FAM53B: variants seen among roughly 807,000 people sequenced by gnomAD.
The protein encoded by FAM53B is family with sequence similarity 53 member B.
FAM53B carries 12 observed loss-of-function variants against 32.7 expected under a neutral mutation model. The ratio of observed to expected loss-of-function variants is 0.37; its 90% CI spans 0.24 to 0.59. The LOEUF (loss-of-function observed/expected upper bound fraction) is 0.59. Ranked by LOEUF, FAM53B falls within the 20% of genes least tolerant of loss-of-function variation. FAM53B has a pLI of 0.72. For synonymous variants in FAM53B, 234 were observed against 228.7 expected (o/e 1.02, Z -0.21); for missense variants, 477 against 577.7 (o/e 0.83, Z 1.79).
intron 4 of FAM53B, among the ~76,000 whole-genome samples, chr10:124,668,636 G>A (rs1166765621): frequency 6.6e-6 from 1 of 152,268 alleles, no homozygotes; most frequent in African/African-American, 2.4e-5. Context: ...ACCCACAAGG[G>A]TGCTCTCCTT....
chr10:124,710,861 G>T (rs1478899764), intron 1 of FAM53B, among the ~76,000 whole-genome samples: 1 of 152,162 alleles, frequency 6.6e-6, no homozygotes, highest in African/African-American at 2.4e-5. Context: ...TTTGAACCCT[G>T]GTGGGCCAGC....
chr10:124,667,232 G>T, intron 4 of FAM53B: 2 of 565,624 alleles, frequency 3.5e-6, no homozygotes, highest in Admixed American at 3.4e-5. Context: ...ATGTGGAAAT[G>T]ATAGTATTTT....
chr10:124,636,897 G>A (rs570646775), intron 4 of FAM53B, among the ~76,000 whole-genome samples: 1 of 151,898 alleles, frequency 6.6e-6, no homozygotes, highest in Non-Finnish European at 1.5e-5. Context: ...AAGAGATGCA[G>A]AGGCGGAGTT....
At chr10:124,703,012 C>T (rs1412688814) in intron 2 of FAM53B, among the ~76,000 whole-genome samples, 1 of 152,118 alleles carries the variant, frequency 6.6e-6, no homozygotes, top group Admixed American at 6.5e-5. Context: ...CTGGAAGCTT[C>T]GTGAGGCCTT....
chr10:124,714,748 G>A (rs1034160365), intron 1 of FAM53B, among the ~76,000 whole-genome samples: 1 of 117,138 alleles, frequency 8.5e-6, no homozygotes, highest in East Asian at 2.5e-4. Context: ...GACAGAGCGA[G>A]ACTCCACCTC....
At chr10:124,632,518 C>T (rs568104692) in intron 4 of FAM53B, among the ~76,000 whole-genome samples, 1 of 152,326 alleles carries the variant, frequency 6.6e-6, no homozygotes, top group East Asian at 1.9e-4. Context: ...CTGAGCAGGA[C>T]TAGCGATGCA....
intron 1 of FAM53B, among the ~76,000 whole-genome samples, 164 bp downstream of exon 1, chr10:124,743,849 A>C (rs1950215367): frequency 6.6e-6 from 1 of 151,932 alleles, no homozygotes; most frequent in Non-Finnish European, 1.5e-5. Flanking sequence ...AGGCAGAAAA[A>C]AAGGAAACCA....
intron 1 of FAM53B, among the ~76,000 whole-genome samples, chr10:124,729,196 C>G (rs1564889835): frequency 1.3e-5 from 2 of 152,202 alleles, no homozygotes; most frequent in Non-Finnish European, 2.9e-5. Flanking sequence ...AGGGCTGGGA[C>G]AGCAGTGAGA....
chr10:124,735,658 C>G (rs1950169066), intron 1 of FAM53B, among the ~76,000 whole-genome samples: 1 of 152,256 alleles, frequency 6.6e-6, no homozygotes, highest in Non-Finnish European at 1.5e-5. Context: ...GTCCTTCCAG[C>G]CTCCCTTCAG....
intron 1 of FAM53B, chr10:124,713,716 T>C (rs1336309188): frequency 1.3e-5 from 2 of 152,258 alleles, no homozygotes; most frequent in Non-Finnish European, 2.9e-5. Context: ...TTTTCCTTCT[T>C]TTAGTGTCTT....
At chr10:124,702,187 C>T (rs1210932199) in intron 2 of FAM53B, among the ~76,000 whole-genome samples, 1 of 152,234 alleles carries the variant, frequency 6.6e-6, no homozygotes, top group Admixed American at 6.5e-5. Context: ...GATACCAGTC[C>T]CGGCCTCCCC....
At chr10:124,736,711 C>T (rs1259045318) in intron 1 of FAM53B, among the ~76,000 whole-genome samples, 1 of 152,256 alleles carries the variant, frequency 6.6e-6, no homozygotes, top group Non-Finnish European at 1.5e-5. Context: ...CAGGCAGCAG[C>T]AACTGGAACC....
intron 4 of FAM53B, among the ~76,000 whole-genome samples, chr10:124,629,185 G>A (rs1429635378): frequency 6.6e-6 from 1 of 152,202 alleles, no homozygotes; most frequent in Non-Finnish European, 1.5e-5. Flanking sequence ...TGCCTGGCAT[G>A]TGCTGGGGAG....
intron 3 of FAM53B, among the ~76,000 whole-genome samples, chr10:124,683,305 T>C (rs567685461): frequency 3.0e-4 from 46 of 152,358 alleles, no homozygotes; most frequent in African/African-American, 1.1e-3. Flanking sequence ...TTGACATAGT[T>C]CTTGTATTCA....
chr10:124,704,700 G>A (rs1949939435), intron 2 of FAM53B, among the ~76,000 whole-genome samples: 1 of 152,182 alleles, frequency 6.6e-6, no homozygotes, highest in African/African-American at 2.4e-5. Context: ...AGAATATATG[G>A]GGCCATGTAC....
chr10:124,650,994 C>T (rs989547936), intron 4 of FAM53B, among the ~76,000 whole-genome samples: 1 of 152,068 alleles, frequency 6.6e-6, no homozygotes, highest in African/African-American at 2.4e-5. Flanking sequence ...AGGCTCCACG[C>T]ATGTGAATTA....
intron 4 of FAM53B, among the ~76,000 whole-genome samples, chr10:124,672,390 A>G (rs540843820): frequency 2.0e-5 from 3 of 152,386 alleles, no homozygotes; most frequent in Admixed American, 6.5e-5. Context: ...CCGGATCAGG[A>G]AGCAGGAATA....
At chr10:124,695,921 ATTACT>A (rs1485564115) in intron 3 of FAM53B, among the ~76,000 whole-genome samples, 14 of 152,332 alleles carry the variant, frequency 9.2e-5, no homozygotes, top group African/African-American at 3.1e-4. Context: ...ATCAACATGA[ATTACT>A]TTAATCATCA....
intron 4 of FAM53B, among the ~76,000 whole-genome samples, chr10:124,657,118 G>GTGTA (rs1949596385): frequency 7.8e-6 from 1 of 128,934 alleles, no homozygotes. Context: ...ATGTGTGTGT[G>GTGTA]TATATATATG....
Sources: gnomAD v4.1 joint callset for allele counts (sites outside exome capture counted in the v4.1 genomes callset) on GRCh38, gnomAD v4.1.1 for gene constraint, MANE v1.5 for transcripts, NCBI Gene and HGNC (gene_info 2026-07-23, HGNC 2026-07-21) for gene names.